The following KAZN variants were observed in gnomAD, a reference collection of about 807,000 sequenced individuals.
KAZN encodes the protein kazrin.
In KAZN, 40 loss-of-function variants were observed where a neutral mutation model predicts 87.4. The ratio of observed to expected loss-of-function variants is 0.46; its 90% CI spans 0.36 to 0.60. The LOEUF is 0.60. Ranked by LOEUF, KAZN falls within the 20% of genes least tolerant of loss-of-function variation. The pLI is 0.00. For synonymous variants in KAZN, 466 were observed against 458.3 expected (o/e 1.02, Z -0.22); for missense variants, 898 against 1,073.9 (o/e 0.84, Z 2.29).
At chr1:14,866,793 A>G (rs1325370468) in intron 1 of KAZN, among the ~76,000 whole-genome samples, 1 of 152,122 alleles carries the variant, frequency 6.6e-6, no homozygotes, top group African/African-American at 2.4e-5. Flanking sequence ...AATGAATCCA[A>G]AGGTCCTTCC....
chr1:14,534,542 G>A (rs1031669748), intron 2 of KAZN, among the ~76,000 whole-genome samples: 1 of 152,174 alleles, frequency 6.6e-6, no homozygotes, highest in Non-Finnish European at 1.5e-5. Flanking sequence ...CTACTGGGGA[G>A]GCTGAGGCAG....
chr1:14,735,188 C>T lies in KAZN; in HGVS notation c.226+135965C>T, dbSNP rs1643864932. Among the ~76,000 whole-genome samples the T allele has an allele frequency of 1.3e-5, 2 of 152,080 alleles. No individual in the cohort carries two copies. Among genetic ancestry groups the T allele is most frequent in the Admixed American group, 1.3e-4 (2 of 15,262 alleles). On this transcript the variant is annotated intron_variant, in intron 1 of 14. Coordinates refer to ENST00000376030, the MANE Select transcript of KAZN (RefSeq NM_201628.3). The surrounding 1 kb of genome is among the most constrained non-coding windows in gnomAD (Gnocchi z 4.3). The stretch of plus-strand genomic sequence containing the variant: ...CATTCTCCTGCCTCAGCCTCAGGAG[C>T]AGCTGGGACTACAGGCACCCGCCAC...
chr1:14,668,004 C>A (rs1031657575), intron 1 of KAZN, among the ~76,000 whole-genome samples: 1 of 152,104 alleles, frequency 6.6e-6, no homozygotes. Context: ...GGAATAAACA[C>A]TGATGTGACT....
chr1:14,320,040 T>C (rs927343324), intron 2 of KAZN, among the ~76,000 whole-genome samples: 1 of 152,200 alleles, frequency 6.6e-6, no homozygotes, highest in Non-Finnish European at 1.5e-5. Context: ...TTATCAGTTG[T>C]GGTGGTAAGC....
intron 2 of KAZN, among the ~76,000 whole-genome samples, chr1:14,419,446 C>T (rs1488595989): frequency 1.3e-5 from 2 of 152,188 alleles, no homozygotes; most frequent in African/African-American, 4.8e-5. Flanking sequence ...AAAGCCTGTG[C>T]TCTGTCCAAG....
chr1:14,666,349 A>G (rs1323447010), intron 1 of KAZN, among the ~76,000 whole-genome samples: 1 of 152,224 alleles, frequency 6.6e-6, no homozygotes, highest in Non-Finnish European at 1.5e-5. Context: ...CTGTGTTTAC[A>G]GGAATAGGAC....
intron 1 of KAZN, among the ~76,000 whole-genome samples, chr1:14,935,165 G>C (rs971711188): frequency 6.6e-6 from 1 of 152,200 alleles, no homozygotes; most frequent in Non-Finnish European, 1.5e-5. Flanking sequence ...CTTGGGTTCT[G>C]GAGCAGTCAC....
At chr1:14,041,232 CTCTT>C (rs1641826377) in intron 1 of KAZN, among the ~76,000 whole-genome samples, 2 of 152,302 alleles carry the variant, frequency 1.3e-5, no homozygotes, top group East Asian at 1.9e-4. Context: ...TCTTACACCC[CTCTT>C]TCTTTTCTCC....
At chr1:15,089,825 T>C (rs1043461448) in intron 8 of KAZN, among the ~76,000 whole-genome samples, 1 of 150,378 alleles carries the variant, frequency 6.6e-6, no homozygotes, top group Non-Finnish European at 1.5e-5. Context: ...AAAGCTAGAG[T>C]TGGCATCAGT....
chr1:14,631,308 G>C (rs1465205219), intron 1 of KAZN, among the ~76,000 whole-genome samples: 2 of 152,218 alleles, frequency 1.3e-5, no homozygotes, highest in Non-Finnish European at 2.9e-5. Context: ...GTGAAGGCTA[G>C]AATAATTTGA....
chr1:14,158,000 A>G (rs1334094334), intron 1 of KAZN, among the ~76,000 whole-genome samples: 1 of 152,164 alleles, frequency 6.6e-6, no homozygotes, highest in African/African-American at 2.4e-5. Context: ...ACCTCCCACC[A>G]GGTCACTCCC....
At chr1:14,128,596 C>T (rs550412988) in intron 1 of KAZN, among the ~76,000 whole-genome samples, 12 of 152,202 alleles carry the variant, frequency 7.9e-5, no homozygotes, top group South Asian at 4.2e-4. Context: ...CTCAGAAGTA[C>T]GCCAATCATA....
intron 1 of KAZN, among the ~76,000 whole-genome samples, chr1:14,084,930 G>A (rs1245110692): frequency 6.6e-6 from 1 of 152,122 alleles, no homozygotes; most frequent in Non-Finnish European, 1.5e-5. Context: ...ATGTGTGTGT[G>A]TACATTCATG....
chr1:14,079,754 A>T (rs1172551578), intron 1 of KAZN, among the ~76,000 whole-genome samples: 1 of 152,192 alleles, frequency 6.6e-6, no homozygotes, highest in African/African-American at 2.4e-5. Context: ...TCTCGGAGCA[A>T]ATGGGAAAAG....
At chr1:14,942,128 G>A (rs187836240) in intron 1 of KAZN, among the ~76,000 whole-genome samples, 2 of 152,288 alleles carry the variant, frequency 1.3e-5, no homozygotes, top group Admixed American at 6.5e-5. Flanking sequence ...TCACCCAAGC[G>A]TGGAGGCAGT....
intron 2 of KAZN, among the ~76,000 whole-genome samples, chr1:14,990,247 G>A (rs910718695): frequency 2.0e-5 from 3 of 152,156 alleles, no homozygotes; most frequent in African/African-American, 7.2e-5. Flanking sequence ...TTGGGAGACA[G>A]GGTCTGGCTC....
intron 2 of KAZN, among the ~76,000 whole-genome samples, chr1:14,271,514 C>T (rs775311180): frequency 1.2e-4 from 19 of 152,110 alleles, no homozygotes; most frequent in South Asian, 2.1e-4. Flanking sequence ...GCCGTCCAAC[C>T]GGAAATCAAA....
intron 1 of KAZN, among the ~76,000 whole-genome samples, chr1:13,929,633 T>A (rs1251590530): frequency 6.6e-6 from 1 of 152,088 alleles, no homozygotes; most frequent in Non-Finnish European, 1.5e-5. Context: ...ATCACATGAA[T>A]GAGATAAAAT....
chr1:14,631,530 A>C lies in KAZN; in HGVS notation c.226+32307A>C, dbSNP rs150055073. ...TGTAGAGACGCAGGCCAGGCCCTCC[A>C]GCCCCGATCCTGCTACCTCTCACCC... On this transcript the variant is annotated intron_variant, in intron 1 of 14. Transcript: ENST00000376030. 5.1e-4 allele frequency among the ~76,000 whole-genome samples: 77 copies of C among 152,318 alleles called. 1 individual carries two copies. The East Asian group carries it at 0.015, about 29-fold the overall frequency.
Sources: gnomAD v4.1 joint callset for allele counts (sites outside exome capture counted in the v4.1 genomes callset) on GRCh38, gnomAD v4.1.1 for gene constraint, Gnocchi (gnomAD v3.1) non-coding constraint, MANE v1.5 for transcripts, NCBI Gene and HGNC (gene_info 2026-07-23, HGNC 2026-07-21) for gene names.